Variants in RELN observed in about 807,000 individuals in gnomAD.
RELN encodes reelin.
A neutral mutation model predicts 427.6 loss-of-function variants in RELN; 108 were observed. That is an observed-to-expected ratio of 0.25 (90% CI 0.22 to 0.30). RELN has a LOEUF of 0.30. Ranked by LOEUF, RELN falls within the 10% of genes least tolerant of loss-of-function variation. The probability of loss-of-function intolerance (pLI) is 1.00; values close to 1 mark genes in which losing one functional copy is unlikely to be tolerated. For missense variants in RELN, 3,715 were observed against 4,302.8 expected (o/e 0.86, Z 3.82); for synonymous variants, 1,524 against 1,513.4 (o/e 1.01, Z -0.16).
intron 20 of RELN, among the ~76,000 whole-genome samples, chr7:103,614,676 G>A (rs1190707154): frequency 6.6e-6 from 1 of 152,182 alleles, no homozygotes; most frequent in African/African-American, 2.4e-5. Flanking sequence ...ACAAATGACA[G>A]ATAAGCCTCT....
At chr7:103,714,297 AG>A (rs1789881511) in intron 8 of RELN, among the ~76,000 whole-genome samples, 1 of 152,194 alleles carries the variant, frequency 6.6e-6, no homozygotes, top group Non-Finnish European at 1.5e-5. Context: ...TAATATTCAA[AG>A]CAACTTGTTT....
chr7:103,978,936 A>G (rs1036748524), intron 1 of RELN, among the ~76,000 whole-genome samples: 1 of 152,208 alleles, frequency 6.6e-6, no homozygotes, highest in Non-Finnish European at 1.5e-5. Context: ...CAGAGCTACA[A>G]CTTAGCACAG....
chr7:103,711,180 A>T (rs1309388742), intron 8 of RELN, among the ~76,000 whole-genome samples: 1 of 152,254 alleles, frequency 6.6e-6, no homozygotes, highest in Non-Finnish European at 1.5e-5. Flanking sequence ...TTTGTGGTAC[A>T]GTCAATTTTG....
intron 3 of RELN, among the ~76,000 whole-genome samples, chr7:103,797,656 C>A (rs1011182533): frequency 6.6e-6 from 1 of 152,110 alleles, no homozygotes; most frequent in African/African-American, 2.4e-5. Context: ...TTTGTAAATA[C>A]AAAAATTTCC....
In RELN at chr7:103,960,440, C is replaced by G. The variant is rs1796526435; in HGVS notation, c.226+28691G>C. Among the ~76,000 whole-genome samples the G allele has an allele frequency of 2.6e-5, 4 of 152,332 alleles. 1 individual carries two copies. In the South Asian group the frequency reaches 8.3e-4, roughly 32 times the overall value. Reference sequence around the variant, plus strand: ...CCCAACTCCCTATCTCTGACATTCCCTATCCTCCTTCCCTGCTTTTTTTCC... The same window carrying G: ...CCCAACTCCCTATCTCTGACATTCCGTATCCTCCTTCCCTGCTTTTTTTCC... On this transcript the variant is annotated intron_variant, in intron 1 of 64. Coordinates refer to ENST00000428762, the MANE Select transcript of RELN (RefSeq NM_005045.4).
intron 46 of RELN, among the ~76,000 whole-genome samples, chr7:103,532,097 A>G (rs1224304336): frequency 1.3e-5 from 2 of 151,348 alleles, no homozygotes; most frequent in Admixed American, 1.3e-4. Flanking sequence ...ACACCATGGA[A>G]TACTATGCAG....
intron 6 of RELN, among the ~76,000 whole-genome samples, chr7:103,747,035 T>G (rs1028035478): frequency 3.9e-5 from 6 of 151,990 alleles, no homozygotes; most frequent in African/African-American, 1.4e-4. Context: ...CAATGATAGA[T>G]GGATTAAGAA....
chr7:103,689,832 G>A (rs953495051), intron 10 of RELN, among the ~76,000 whole-genome samples: 1 of 152,154 alleles, frequency 6.6e-6, no homozygotes, highest in Non-Finnish European at 1.5e-5. Context: ...GCAGCTCCAG[G>A]CTGACGCTCT....
Position 103,763,037 on chromosome 7 carries a change from A to G in RELN, c.545-9823T>C, listed in dbSNP as rs1046040111. The stretch of plus-strand genomic sequence containing the variant: ...AACTTTAAAAGAACACATATTATTC[A>G]GGAGAAGGACAGTTATTGCAGGTAC... On this transcript the variant is annotated intron_variant, in intron 4 of 64. Transcript: ENST00000428762. Among the ~76,000 whole-genome samples, 3 of 152,360 alleles carry G rather than the reference A, an allele frequency of 2.0e-5. No individual in the cohort carries two copies. In the South Asian group the frequency reaches 6.2e-4, roughly 32 times the overall value.
intron 1 of RELN, among the ~76,000 whole-genome samples, chr7:103,937,984 T>C (rs1204568291): frequency 6.6e-6 from 1 of 152,172 alleles, no homozygotes; most frequent in African/African-American, 2.4e-5. Flanking sequence ...TTTTTTATTT[T>C]ATTAAAATTC....
chr7:103,850,351 C>A (rs550954387), intron 2 of RELN, among the ~76,000 whole-genome samples: 2 of 152,068 alleles, frequency 1.3e-5, no homozygotes, highest in East Asian at 1.9e-4. Flanking sequence ...GGTCTGTTTG[C>A]GGGAGAAGTT....
At chr7:103,705,886 C>T (rs10257295) in intron 8 of RELN, among the ~76,000 whole-genome samples, 12,069 of 152,186 alleles carry the variant, frequency 0.079, 1,326 homozygotes, top group African/African-American at 0.25. Flanking sequence ...AGTACCTAGA[C>T]AACAGTTATT....
At chr7:103,831,426 C>T (rs904516478) in intron 3 of RELN, among the ~76,000 whole-genome samples, 3 of 150,318 alleles carry the variant, frequency 2.0e-5, no homozygotes, top group Non-Finnish European at 4.5e-5. Flanking sequence ...TTGTCCCTGT[C>T]CAATCTAACA....
At chr7:103,778,166 C>T (rs1791793377) in intron 3 of RELN, among the ~76,000 whole-genome samples, 1 of 152,202 alleles carries the variant, frequency 6.6e-6, no homozygotes, top group Non-Finnish European at 1.5e-5. Context: ...TAGGGCCAAT[C>T]CAAGCCATAA....
chr7:103,889,934 G>A (rs1024477407), intron 2 of RELN, among the ~76,000 whole-genome samples: 1 of 152,098 alleles, frequency 6.6e-6, no homozygotes, highest in Non-Finnish European at 1.5e-5. Flanking sequence ...TGATTTAGTT[G>A]GCAGTTTTAG....
intron 9 of RELN, among the ~76,000 whole-genome samples, chr7:103,699,179 A>C (rs1437775574): frequency 6.6e-6 from 1 of 152,162 alleles, no homozygotes; most frequent in Non-Finnish European, 1.5e-5. Context: ...TGGTACTAAA[A>C]TGCAAACTAG....
intron 10 of RELN, among the ~76,000 whole-genome samples, chr7:103,692,353 T>TGTA (rs1040564774): frequency 5.3e-5 from 8 of 152,102 alleles, no homozygotes; most frequent in African/African-American, 1.9e-4. Context: ...GAGAATCTAC[T>TGTA]GGTAGATTCC....
intron 17 of RELN, among the ~76,000 whole-genome samples, chr7:103,639,263 A>G (rs1172364467): frequency 6.6e-6 from 1 of 152,210 alleles, no homozygotes; most frequent in Non-Finnish European, 1.5e-5. Flanking sequence ...ATACTTTATA[A>G]AAAATTTCCA....
rs1429755259 is a variant in RELN, at chr7:103,636,314, C to G, written c.2224G>C (p.Ala742Pro). The change falls in exon 18 of 65, where the codon GCC (alanine) becomes CCC (proline). Residue 742 changes from alanine to proline, a missense_variant. By Grantham distance (27) the Ala-to-Pro change is conservative (BLOSUM62 -1). Coordinates refer to ENST00000428762, the MANE Select transcript of RELN (RefSeq NM_005045.4). Reference protein sequence around the residue: ...AEVSFGCGVLASGKALVFNKD... With the variant: ...AEVSFGCGVLPSGKALVFNKD... ...TTGAAAACCAGGGCCTTACCACTGGCCAAGACACCACAACCAAAGCTGACT... is the reference window on the plus strand; with the variant it reads ...TTGAAAACCAGGGCCTTACCACTGGGCAAGACACCACAACCAAAGCTGACT... 1 of 1,613,908 alleles carries G rather than the reference C, an allele frequency of 6.2e-7. No homozygotes were observed. Among genetic ancestry groups the G allele is most frequent in the Admixed American group, 1.7e-5 (1 of 59,992 alleles).
Sources: gnomAD v4.1 joint callset for allele counts (sites outside exome capture counted in the v4.1 genomes callset) on GRCh38, gnomAD v4.1.1 for gene constraint, MANE v1.5 for transcripts, NCBI Gene and HGNC (gene_info 2026-07-23, HGNC 2026-07-21) for gene names.